DYTN: variants seen among roughly 807,000 people sequenced by gnomAD.
The protein encoded by DYTN is dystrotelin.
Under a neutral mutation model 69.6 loss-of-function variants are expected in DYTN, and 75 were observed. That is an observed-to-expected ratio of 1.08 (90% CI 0.89 to 1.31). DYTN has a LOEUF of 1.31. DYTN is among the 50% of genes most tolerant of loss of function. The probability of loss-of-function intolerance (pLI) is 0.00; values close to 1 mark genes in which losing one functional copy is unlikely to be tolerated. For synonymous variants in DYTN, 252 were observed against 249.1 expected, an observed-to-expected ratio of 1.01 and a Z score of -0.11; for missense variants, 726 against 688.4, an observed-to-expected ratio of 1.05 and a Z score of -0.61.
At chr2:206,665,112 T>C (rs1480542092) in intron 10 of DYTN, among the ~76,000 whole-genome samples, 1 of 152,180 alleles carries the variant, frequency 6.6e-6, no homozygotes, top group Non-Finnish European at 1.5e-5. Flanking sequence ...TGCAAATCTG[T>C]GTGAGGCCTG....
At chr2:206,686,825 T>G (rs1699814871) in intron 9 of DYTN, 1 of 152,298 alleles carries the variant, frequency 6.6e-6, no homozygotes, top group Non-Finnish European at 1.5e-5. Flanking sequence ...ATGACACAAT[T>G]CATTGAGTTG....
chr2:206,715,620 C>T (rs1427799513), intron 1 of DYTN, among the ~76,000 whole-genome samples: 2 of 152,258 alleles, frequency 1.3e-5, no homozygotes, highest in Middle Eastern at 3.4e-3. Flanking sequence ...CTTAAACACT[C>T]TCTGTAAAAT....
chr2:206,682,222 T>A (rs1448694465), intron 9 of DYTN, among the ~76,000 whole-genome samples: 2 of 152,098 alleles, frequency 1.3e-5, no homozygotes, highest in African/African-American at 4.8e-5. Flanking sequence ...GTCAATAGTG[T>A]ATTCCCTTTC....
intron 9 of DYTN, among the ~76,000 whole-genome samples, chr2:206,683,739 G>A (rs577283147): frequency 2.6e-5 from 4 of 151,920 alleles, no homozygotes; most frequent in South Asian, 2.1e-4. Context: ...GGCAAAAACC[G>A]CAATTACTTT....
At chr2:206,684,940 C>A (rs1482320843) in intron 9 of DYTN, among the ~76,000 whole-genome samples, 2 of 152,094 alleles carry the variant, frequency 1.3e-5, no homozygotes, top group African/African-American at 4.8e-5. Flanking sequence ...TGGTGAAGTC[C>A]TAAGATAAAG....
chr2:206,662,840 G>A (rs1699527605), intron 11 of DYTN, 63 bp downstream of exon 11: 1 of 1,542,706 alleles, frequency 6.5e-7, no homozygotes, highest in South Asian at 1.3e-5. Flanking sequence ...ATAAAATCAA[G>A]TTTTTAAAAA....
chr2:206,700,643 G>A (rs1395860353), intron 5 of DYTN, among the ~76,000 whole-genome samples: 1 of 150,402 alleles, frequency 6.6e-6, no homozygotes, highest in African/African-American at 2.4e-5. Context: ...TGTGCAGAAC[G>A]TGCAGGTTTG....
intron 7 of DYTN, among the ~76,000 whole-genome samples, chr2:206,698,824 A>G (rs1471148778): frequency 1.3e-5 from 2 of 152,220 alleles, no homozygotes; most frequent in Non-Finnish European, 2.9e-5. Flanking sequence ...AGTTGTTCTC[A>G]TGAATGCTGA....
At chr2:206,703,314 G>A (rs981381979) in intron 5 of DYTN, among the ~76,000 whole-genome samples, 6 of 152,056 alleles carry the variant, frequency 3.9e-5, no homozygotes, top group African/African-American at 1.4e-4. Flanking sequence ...ACAAATGGGC[G>A]GACAGACTGT....
At chr2:206,704,476 G>T (rs569217306) in intron 5 of DYTN, among the ~76,000 whole-genome samples, 1 of 152,128 alleles carries the variant, frequency 6.6e-6, no homozygotes, top group Non-Finnish European at 1.5e-5. Context: ...GAGACTATTG[G>T]ATATGTTTTC....
intron 7 of DYTN, among the ~76,000 whole-genome samples, chr2:206,696,226 C>T (rs148349579): frequency 2.6e-5 from 4 of 152,080 alleles, no homozygotes; most frequent in Admixed American, 6.6e-5. Context: ...AATAAGGTAA[C>T]GAAGATTGGG....
rs114253551 is a variant in DYTN at position 206,659,806 on chromosome 2, T to C, written c.1633+3097A>G. ...ATAACGATATAAACATAATTAGAAA[T>C]AATTGGGTGAGGAGTGATATATAAT... On this transcript the variant is annotated intron_variant, in intron 11 of 11. Coordinates refer to ENST00000452335, the MANE Select transcript of DYTN (RefSeq NM_001093730.1). Among the ~76,000 whole-genome samples the C allele has an allele frequency of 9.6e-3, 1,457 of 152,166 alleles. 27 individuals carry two copies. The highest frequency in any genetic ancestry group is 0.032 in the African/African-American group (1,327 of 41,508).
intron 5 of DYTN, among the ~76,000 whole-genome samples, chr2:206,704,129 G>T (rs1700002789): frequency 6.6e-6 from 1 of 152,012 alleles, no homozygotes; most frequent in Non-Finnish European, 1.5e-5. Context: ...GCATTTTTTT[G>T]ATGTCTTTTA....
chr2:206,660,389 C>A (rs1559304396), intron 11 of DYTN, among the ~76,000 whole-genome samples: 2 of 152,084 alleles, frequency 1.3e-5, no homozygotes, highest in Non-Finnish European at 2.9e-5. Context: ...GTAGACCTAG[C>A]CTACAAACAA....
At chr2:206,692,781 G>A (rs998452750) in intron 9 of DYTN, among the ~76,000 whole-genome samples, 1 of 151,192 alleles carries the variant, frequency 6.6e-6, no homozygotes, top group African/African-American at 2.4e-5. Flanking sequence ...TGTGAGTGGT[G>A]GTATGCTGAG....
chr2:206,660,355 G>C (rs1453142977), intron 11 of DYTN, among the ~76,000 whole-genome samples: 1 of 152,090 alleles, frequency 6.6e-6, no homozygotes, highest in Non-Finnish European at 1.5e-5. Context: ...CAAGTATTGG[G>C]ATACTGCCTT....
At chr2:206,700,116 A>T in intron 6 of DYTN, 29 bp downstream of exon 6, 1 of 1,612,578 alleles carries the variant, frequency 6.2e-7, no homozygotes, top group Non-Finnish European at 8.5e-7. Flanking sequence ...GTCTGTCCCC[A>T]ACTCCAGGGA....
chr2:206,697,492 A>G (rs887574931), intron 7 of DYTN, among the ~76,000 whole-genome samples: 1 of 152,186 alleles, frequency 6.6e-6, no homozygotes, highest in Non-Finnish European at 1.5e-5. Flanking sequence ...TCATCTCCCA[A>G]AAAACCAAAG....
At chr2:206,690,830 G>T (rs1349331696) in intron 9 of DYTN, among the ~76,000 whole-genome samples, 1 of 152,176 alleles carries the variant, frequency 6.6e-6, no homozygotes, top group Admixed American at 6.5e-5. Flanking sequence ...TCTTAAGGGT[G>T]GGATAGATCT....
Sources: gnomAD v4.1 joint callset for allele counts (sites outside exome capture counted in the v4.1 genomes callset) on GRCh38, gnomAD v4.1.1 for gene constraint, MANE v1.5 for transcripts, NCBI Gene and HGNC (gene_info 2026-07-23, HGNC 2026-07-21) for gene names.